RBMS3: variants seen among roughly 807,000 people sequenced by gnomAD.
RBMS3 encodes the protein RNA-binding motif, single-stranded-interacting protein 3.
Under a neutral mutation model 66.8 loss-of-function variants are expected in RBMS3, and 27 were observed. The observed-to-expected ratio is 0.40, with a 90% CI of 0.30 to 0.56. The LOEUF (loss-of-function observed/expected upper bound fraction) is 0.56. Ranked by LOEUF, RBMS3 falls within the 20% of genes least tolerant of loss-of-function variation. The pLI is 0.40. For synonymous variants in RBMS3, 188 were observed against 183.0 expected (o/e 1.03, Z -0.22); for missense variants, 513 against 549.5 (o/e 0.93, Z 0.66).
intron 3 of RBMS3, among the ~76,000 whole-genome samples, chr3:29,528,320 C>T (rs555450643): frequency 3.0e-4 from 45 of 152,152 alleles, no homozygotes; most frequent in East Asian, 2.5e-3. Flanking sequence ...ACCATGTTGA[C>T]CAGGCTGGTC....
intron 4 of RBMS3, among the ~76,000 whole-genome samples, chr3:29,608,697 G>A (rs757271395): frequency 2.0e-5 from 3 of 151,992 alleles, no homozygotes; most frequent in African/African-American, 4.8e-5. Context: ...AAAATGAGGA[G>A]CTAGATACAT....
chr3:29,902,504 A>G (rs1450545414), intron 10 of RBMS3, among the ~76,000 whole-genome samples: 1 of 151,800 alleles, frequency 6.6e-6, no homozygotes, highest in Non-Finnish European at 1.5e-5. Flanking sequence ...AATTGCTTAC[A>G]TTGGTACTTA....
chr3:29,314,833 G>C (rs752893385), intron 1 of RBMS3, among the ~76,000 whole-genome samples: 2 of 151,724 alleles, frequency 1.3e-5, no homozygotes, highest in Non-Finnish European at 2.9e-5. Context: ...TTCTGAATTA[G>C]AGTTGCTCTT....
At chr3:29,381,074 C>T (rs2038743603) in intron 1 of RBMS3, among the ~76,000 whole-genome samples, 1 of 152,070 alleles carries the variant, frequency 6.6e-6, no homozygotes, top group Non-Finnish European at 1.5e-5. Context: ...TTGTAATTTG[C>T]CTTGTGGAAA....
intron 3 of RBMS3, among the ~76,000 whole-genome samples, chr3:29,580,668 A>G (rs1466525923): frequency 1.4e-5 from 2 of 145,172 alleles, no homozygotes; most frequent in Non-Finnish European, 3.0e-5. Context: ...GTAGATGCTT[A>G]GTAAATTTAA....
At chr3:29,800,798 T>C (rs1328742576) in intron 6 of RBMS3, among the ~76,000 whole-genome samples, 1 of 146,398 alleles carries the variant, frequency 6.8e-6, no homozygotes, top group Non-Finnish European at 1.5e-5. Context: ...TTATAGAAAC[T>C]AGTCTCTGAG....
chr3:29,323,101 AG>A (rs2035104165), intron 1 of RBMS3, among the ~76,000 whole-genome samples: 1 of 152,224 alleles, frequency 6.6e-6, no homozygotes. Context: ...CAAGAAGTCA[AG>A]AAAGACTGAA....
At chr3:29,358,675 T>G (rs140406540) in intron 1 of RBMS3, among the ~76,000 whole-genome samples, 3,512 of 152,332 alleles carry the variant, frequency 0.023, 134 homozygotes, top group African/African-American at 0.081. Flanking sequence ...TTCCTATCCA[T>G]GAACATGGAA....
At chr3:29,900,924 A>G (rs2060236815) in intron 10 of RBMS3, among the ~76,000 whole-genome samples, 1 of 151,806 alleles carries the variant, frequency 6.6e-6, no homozygotes, top group Admixed American at 6.6e-5. Context: ...CTGAACTCAG[A>G]AAATTAGAGA....
intron 6 of RBMS3, among the ~76,000 whole-genome samples, chr3:29,842,875 T>C (rs905420710): frequency 6.6e-6 from 1 of 152,228 alleles, no homozygotes; most frequent in African/African-American, 2.4e-5. Flanking sequence ...GGCAAGGAAG[T>C]ATATGCTTGC....
chr3:29,511,273 G>C (rs2044398720), intron 3 of RBMS3, among the ~76,000 whole-genome samples: 1 of 152,126 alleles, frequency 6.6e-6, no homozygotes, highest in East Asian at 1.9e-4. Context: ...TCCAGCCTGG[G>C]CGACGGAGAG....
chr3:29,507,012 T>TAA lies in RBMS3; in HGVS notation c.307+18524_307+18525dup, dbSNP rs3043394. 1.9e-4 allele frequency among the ~76,000 whole-genome samples: 27 copies of TAA among 144,818 alleles called. 1 individual carries two copies. The highest frequency in any genetic ancestry group is 1.1e-3 in the Admixed American group (16 of 14,378). On this transcript the variant is annotated intron_variant, in intron 3 of 14. Coordinates refer to ENST00000383767, the MANE Select transcript of RBMS3 (RefSeq NM_001003793.3). ...TAAAGGTTTGTCAATTTTGTTTGTTTAAAAAAAAAAAACTCTTGGTTTTGT... is the reference window on the plus strand; with the variant it reads ...TAAAGGTTTGTCAATTTTGTTTGTTTAAAAAAAAAAAAAACTCTTGGTTTTGT...
At position 29,501,470 on chromosome 3, in the gene RBMS3, C is replaced by T. The variant is rs140962421; in HGVS notation, c.307+12971C>T. 1.1e-3 allele frequency among the ~76,000 whole-genome samples: 167 copies of T among 152,220 alleles called. 1 individual carries two copies. The highest frequency in any genetic ancestry group is 3.8e-3 in the African/African-American group (157 of 41,556). On this transcript the variant is annotated intron_variant, in intron 3 of 14. Transcript: ENST00000383767. ...GTGATCTTCTGTAGACAATAGAAAG[C>T]CAGTATCACACGTAAATTTGTGAAA... is the stretch of plus-strand genomic sequence containing the variant.
chr3:29,998,563 C>T (rs1289538986), intron 14 of RBMS3, among the ~76,000 whole-genome samples: 1 of 152,208 alleles, frequency 6.6e-6, no homozygotes, highest in Non-Finnish European at 1.5e-5. Context: ...GGTACCAAAA[C>T]AGAGATACAG....
intron 4 of RBMS3, among the ~76,000 whole-genome samples, chr3:29,644,886 A>C (rs1285679644): frequency 6.6e-6 from 1 of 152,226 alleles, no homozygotes; most frequent in Non-Finnish European, 1.5e-5. Flanking sequence ...ATATGTCAAT[A>C]GTACATCAAC....
In RBMS3 at chr3:29,325,659, CACACAT is replaced by C. The variant is rs879487421; in HGVS notation, c.75+43909_75+43914del. The stretch of plus-strand genomic sequence containing the variant: ...ATATATACACATACACACACACACA[CACACAT>C]ACACACACATATGTATAAATTTGAC... On this transcript the variant is annotated intron_variant, in intron 1 of 14. Coordinates refer to ENST00000383767, the MANE Select transcript of RBMS3 (RefSeq NM_001003793.3). Among the ~76,000 whole-genome samples, 491 of 147,698 alleles carry C rather than the reference CACACAT, an allele frequency of 3.3e-3. 3 individuals carry two copies. The highest frequency in any genetic ancestry group is 0.014 in the Middle Eastern group (4 of 286).
intron 1 of RBMS3, among the ~76,000 whole-genome samples, chr3:29,283,142 AG>A (rs1231984337): frequency 6.6e-6 from 1 of 152,162 alleles, no homozygotes; most frequent in Admixed American, 6.6e-5. Context: ...ACAAGTTAAA[AG>A]GGGAAAATTT....
At chr3:29,377,905 G>A (rs1054374670) in intron 1 of RBMS3, among the ~76,000 whole-genome samples, 1 of 152,178 alleles carries the variant, frequency 6.6e-6, no homozygotes, top group African/African-American at 2.4e-5. Context: ...CTTTTAGCAA[G>A]AATCTTACTA....
chr3:29,630,823 A>G (rs1305664178), intron 4 of RBMS3, among the ~76,000 whole-genome samples: 1 of 151,990 alleles, frequency 6.6e-6, no homozygotes, highest in Non-Finnish European at 1.5e-5. Flanking sequence ...AGTTGGTCAA[A>G]CAAGTAATGA....
Sources: allele counts gnomAD v4.1 joint callset (sites outside exome capture counted in the v4.1 genomes callset), GRCh38; gene constraint gnomAD v4.1.1; transcripts MANE v1.5; gene names NCBI Gene and HGNC (gene_info 2026-07-23, HGNC 2026-07-21).